Variants in LHX9 observed in about 807,000 individuals in gnomAD.
The protein encoded by LHX9 is LIM homeobox 9.
Under a neutral mutation model 36.5 loss-of-function variants are expected in LHX9, and 9 were observed. The observed-to-expected ratio is 0.25, with a 90% CI of 0.15 to 0.43. LHX9 has a LOEUF of 0.43. Among genes scored for constraint, LHX9 ranks in the 20% least tolerant of loss-of-function variants. LHX9 has a pLI of 1.00. For missense variants in LHX9, 464 were observed against 526.4 expected, an observed-to-expected ratio of 0.88 and a Z score of 1.16; for synonymous variants, 211 against 212.1, an observed-to-expected ratio of 0.99 and a Z score of 0.04.
rs1571412044 is a variant in LHX9 at position 197,935,435 on chromosome 1, T to C, written c.*6176T>C. On this transcript the variant is annotated 3_prime_UTR_variant, in exon 5 of 5. Transcript: ENST00000367387. ...TAAATTAACCTGAAGAGTAATTGGA[T>C]ACCTTTTATGGTTATTTGAAAATAA... The C allele has an allele frequency of 6.6e-6, 1 of 152,198 alleles. No individual in the cohort carries two copies. The highest frequency in any genetic ancestry group is 1.9e-4 in the East Asian group (1 of 5,204). 9.4% of individuals were successfully genotyped at this position (152,198 alleles called of 1,614,324 possible).
chr1:197,914,917 T>G (rs1659705738), upstream of LHX9, among the ~76,000 whole-genome samples: 1 of 152,168 alleles, frequency 6.6e-6, no homozygotes, highest in Admixed American at 6.5e-5. Context: ...TGCCTGTACC[T>G]AGATGATTAA....
upstream of LHX9, chr1:197,916,405 G>C (rs933084448): frequency 1.8e-5 from 9 of 492,270 alleles, no homozygotes; most frequent in Non-Finnish European, 3.3e-5. Context: ...TGTCCTGCCA[G>C]GGTAGTGGGA....
intron 1 of LHX9, chr1:197,918,328 C>A: frequency 4.2e-6 from 3 of 717,446 alleles, no homozygotes; most frequent in Non-Finnish European, 5.2e-6. Flanking sequence ...GTCTCCCCGG[C>A]GAGGATCCGC....
In LHX9 at chr1:197,921,246, G is replaced by A; in HGVS notation, c.378-58G>A. On this transcript the variant is annotated intron_variant, in intron 2 of 4. Coordinates refer to ENST00000367387, the MANE Select transcript of LHX9 (RefSeq NM_020204.3). The surrounding 1 kb of genome is among the most constrained non-coding windows in gnomAD (Gnocchi z 4.6). ...TGCAGACCAAACCCAGGTGTCGCGGGTGGGATATGGCTCTGCCTTGCTTCA... is the reference window on the plus strand; with the variant it reads ...TGCAGACCAAACCCAGGTGTCGCGGATGGGATATGGCTCTGCCTTGCTTCA... 1 of 1,467,554 alleles carries A rather than the reference G, an allele frequency of 6.8e-7. No individual in the cohort carries two copies. Among genetic ancestry groups the A allele is most frequent in the Admixed American group, 1.8e-5 (1 of 55,596 alleles). 90.9% of individuals were successfully genotyped at this position (1,467,554 alleles called of 1,614,324 possible).
At chr1:197,917,247 T>C, upstream of LHX9, 1 of 1,214,846 alleles carries the variant, frequency 8.2e-7, no homozygotes, top group Non-Finnish European at 1.0e-6. Context: ...GAGAGGAGTA[T>C]GACAGGTCTT....
rs968848474 is a variant in LHX9 at position 197,932,166 on chromosome 1, C to G, written c.*2907C>G. ...TTATGGTGTCTAACACAACTGAAGG[C>G]CTAAAATTATGTGGTTTAAACAAAA... On this transcript the variant is annotated 3_prime_UTR_variant, in exon 5 of 5. Coordinates refer to ENST00000367387, the MANE Select transcript of LHX9 (RefSeq NM_020204.3). 2.9e-5 allele frequency: 13 copies of G among 444,820 alleles called. No homozygotes were observed. The highest frequency in any genetic ancestry group is 2.2e-4 in the African/African-American group (11 of 50,398). 27.6% of individuals were successfully genotyped at this position (444,820 alleles called of 1,614,324 possible). A position where few individuals can be genotyped will look rare whatever the true frequency, so the allele number is the denominator to read the frequency against.
chr1:197,915,027 C>T (rs1659708418), upstream of LHX9, among the ~76,000 whole-genome samples: 2 of 152,116 alleles, frequency 1.3e-5, no homozygotes, highest in Admixed American at 6.5e-5. Flanking sequence ...TGGCTTTTTC[C>T]TGGAGTTGTT....
upstream of LHX9, among the ~76,000 whole-genome samples, chr1:197,913,418 A>C (rs185593201): frequency 2.0e-5 from 3 of 152,148 alleles, no homozygotes; most frequent in Admixed American, 1.3e-4. Flanking sequence ...GCTGACTCCC[A>C]TTTGTCTTGA....
At chr1:197,919,936 C>A in intron 1 of LHX9, 36 bp from the exon 2 acceptor site, 1 of 1,603,460 alleles carries the variant, frequency 6.2e-7, no homozygotes, top group Non-Finnish European at 8.5e-7. Flanking sequence ...CTACACCGCG[C>A]GCCCTCCTCA....
chr1:197,916,724 T>A, upstream of LHX9: 3 of 702,886 alleles, frequency 4.3e-6, no homozygotes, highest in Non-Finnish European at 7.8e-6. Context: ...GAAGCCAGCA[T>A]CTAGTAGGGT....
Position 197,921,172 on chromosome 1 carries a change from C to G in LHX9, c.378-132C>G, listed in dbSNP as rs966544696. ...GTCGATGAGCAAATAAAATTAATGCCTACTCTCCTGTCCCCCTGGAACCCT... is the reference window on the plus strand; with the variant it reads ...GTCGATGAGCAAATAAAATTAATGCGTACTCTCCTGTCCCCCTGGAACCCT... On this transcript the variant is annotated intron_variant, in intron 2 of 4. Transcript: ENST00000367387. This position sits in a 1 kb window ranked among gnomAD's most constrained non-coding sequence, Gnocchi z 4.6. The G allele has an allele frequency of 2.4e-5, 15 of 621,620 alleles. No homozygotes were observed. In the Admixed American group the frequency reaches 3.3e-4, roughly 14 times the overall value. 38.5% of individuals were successfully genotyped at this position (621,620 alleles called of 1,614,324 possible). A position where few individuals can be genotyped will look rare whatever the true frequency, so the allele number is the denominator to read the frequency against.
rs559422610 is a variant in LHX9, at chr1:197,921,786, C to G, written c.733+127C>G. On this transcript the variant is annotated intron_variant, in intron 3 of 4. Transcript: ENST00000367387. This position sits in a 1 kb window ranked among gnomAD's most constrained non-coding sequence, Gnocchi z 4.6. ...CCCAATGCCTCTGTTCTCACTGCAA[C>G]TCCCTCTCACTCTGAAGGAAGGGAG... The G allele has an allele frequency of 1.9e-4, 142 of 737,078 alleles. No homozygotes were observed. The highest frequency in any genetic ancestry group is 3.0e-5 in the Non-Finnish European group (14 of 463,438). The allele number at this position is 737,078 out of a possible 1,614,324, so 45.7% of individuals were successfully genotyped here. A position where few individuals can be genotyped will look rare whatever the true frequency, so the allele number is the denominator to read the frequency against.
chr1:197,912,604 G>T, upstream of LHX9: 1 of 1,595,742 alleles, frequency 6.3e-7, no homozygotes, highest in Non-Finnish European at 8.6e-7. Context: ...TGCCCCTTGG[G>T]CCAGTGCGTA....
chr1:197,912,848 C>T, upstream of LHX9: 3 of 480,408 alleles, frequency 6.2e-6, no homozygotes, highest in East Asian at 4.0e-5. Flanking sequence ...TCCACTGATC[C>T]TCCAGTAGTC....
chr1:197,919,932 C>G lies in LHX9; in HGVS notation c.175-40C>G, dbSNP rs780061909. ...AGAACCCCGCGTCGTGCGGCTACACCGCGCGCCCTCCTCAGCCTTGCGGTG... is the reference window on the plus strand; with the variant it reads ...AGAACCCCGCGTCGTGCGGCTACACGGCGCGCCCTCCTCAGCCTTGCGGTG... On this transcript the variant is annotated intron_variant, in intron 1 of 4. Transcript: ENST00000367387. 6 of 1,602,450 alleles carry G rather than the reference C, an allele frequency of 3.7e-6. No homozygotes were observed. In the South Asian group the frequency reaches 6.7e-5, roughly 18 times the overall value.
Position 197,918,598 on chromosome 1 carries a change from G to A in LHX9, c.174+601G>A, listed in dbSNP as rs563104316. The A allele has an allele frequency of 3.4e-4, 194 of 568,098 alleles. 4 individuals are homozygous for A. Among genetic ancestry groups the A allele is most frequent in the South Asian group, 3.0e-3 (128 of 42,580 alleles). The allele number at this position is 568,098 out of a possible 1,614,324, so 35.2% of individuals were successfully genotyped here. ...ACTACGTTTAGCGCCAGGACCCGGC[G>A]GGTGTCATGTGTAGGGGGAAATCAA... On this transcript the variant is annotated intron_variant, in intron 1 of 4. Coordinates refer to ENST00000367387, the MANE Select transcript of LHX9 (RefSeq NM_020204.3).
At chr1:197,920,352 T>C (rs1029831884) in intron 2 of LHX9, among the ~76,000 whole-genome samples, 178 bp downstream of exon 2, 4 of 65,100 alleles carry the variant, frequency 6.1e-5, no homozygotes, top group Admixed American at 2.1e-4. Flanking sequence ...TGACCGACGG[T>C]GAGGGTGGGT....
chr1:197,924,931 G>A lies in LHX9; in HGVS notation c.734-2660G>A, dbSNP rs1660100740. Among the ~76,000 whole-genome samples, 7 of 43,762 alleles carry A rather than the reference G, an allele frequency of 1.6e-4. 2 individuals carry two copies. The highest frequency in any genetic ancestry group is 2.1e-4 in the Non-Finnish European group (5 of 23,974). The allele number at this position is 43,762 out of a possible 152,430, so 28.7% of individuals were successfully genotyped here. A position where few individuals can be genotyped will look rare whatever the true frequency, so the allele number is the denominator to read the frequency against. ...TCGGGGAGTGGGGGAATCCCCTACA[G>A]CTTTAGCAATAGGCCTTGGAGAAAC... On this transcript the variant is annotated intron_variant, in intron 3 of 4. Transcript: ENST00000367387.
At chr1:197,917,159 C>G (rs980836241), upstream of LHX9, 2 of 836,870 alleles carry the variant, frequency 2.4e-6, no homozygotes, top group Non-Finnish European at 2.9e-6. Flanking sequence ...AGGTAAATGC[C>G]CCCTCCTCCT....
Sources: gnomAD v4.1 joint callset for allele counts (sites outside exome capture counted in the v4.1 genomes callset) on GRCh38, gnomAD v4.1.1 for gene constraint, Gnocchi (gnomAD v3.1) non-coding constraint, MANE v1.5 for transcripts, NCBI Gene and HGNC (gene_info 2026-07-23, HGNC 2026-07-21) for gene names.